The following DCC variants were observed in gnomAD, a reference collection of about 807,000 sequenced individuals.
The protein encoded by DCC is DCC netrin 1 receptor.
DCC carries 58 observed loss-of-function variants against 172.5 expected under a neutral mutation model. The ratio of observed to expected loss-of-function variants is 0.34; its 90% CI spans 0.27 to 0.42. The LOEUF is 0.42. DCC is among the 10% of genes least tolerant of loss of function. The pLI is 1.00. For missense variants in DCC, 1,740 were observed against 1,791.0 expected (o/e 0.97, Z 0.51); for synonymous variants, 709 against 644.5 (o/e 1.10, Z -1.52).
chr18:53,038,791 C>G (rs1361156409), intron 5 of DCC, among the ~76,000 whole-genome samples: 1 of 151,938 alleles, frequency 6.6e-6, no homozygotes, highest in Non-Finnish European at 1.5e-5. Flanking sequence ...TAACACTGTG[C>G]CTTTTAATAC....
At chr18:53,058,490 G>C (rs567422828) in intron 5 of DCC, among the ~76,000 whole-genome samples, 1 of 152,116 alleles carries the variant, frequency 6.6e-6, no homozygotes, top group East Asian at 1.9e-4. Context: ...TTTGTGTTGA[G>C]AATATAGGAC....
intron 1 of DCC, among the ~76,000 whole-genome samples, chr18:52,402,935 T>G (rs568824068): frequency 4.6e-5 from 7 of 152,116 alleles, no homozygotes; most frequent in African/African-American, 1.7e-4. Context: ...AACAGTACAG[T>G]CAGTGTTCAA....
chr18:53,004,551 G>C (rs2041616330), intron 5 of DCC, among the ~76,000 whole-genome samples: 1 of 152,128 alleles, frequency 6.6e-6, no homozygotes, highest in African/African-American at 2.4e-5. Flanking sequence ...AGAATATACA[G>C]AATCAGAGAC....
At chr18:53,413,026 T>C (rs555637915) in intron 20 of DCC, among the ~76,000 whole-genome samples, 18 of 152,292 alleles carry the variant, frequency 1.2e-4, no homozygotes, top group African/African-American at 4.3e-4. Flanking sequence ...CTGGGATACA[T>C]ACACACTGTC....
intron 1 of DCC, among the ~76,000 whole-genome samples, chr18:52,341,580 G>T (rs568945085): frequency 6.6e-6 from 1 of 152,144 alleles, no homozygotes; most frequent in Non-Finnish European, 1.5e-5. Flanking sequence ...ATATTCCAGA[G>T]AACCGGCGCC....
At chr18:52,783,551 G>A (rs538152357) in intron 2 of DCC, among the ~76,000 whole-genome samples, 2 of 151,510 alleles carry the variant, frequency 1.3e-5, no homozygotes. Flanking sequence ...AAAAGACATT[G>A]TAGTGTTTAA....
At chr18:53,310,277 A>G (rs941040505) in intron 13 of DCC, among the ~76,000 whole-genome samples, 17 of 152,178 alleles carry the variant, frequency 1.1e-4, no homozygotes, top group Admixed American at 2.0e-4. Flanking sequence ...TTGATTTTCC[A>G]TATAAATCTA....
At chr18:52,913,228 G>A (rs545187363) in intron 3 of DCC, among the ~76,000 whole-genome samples, 5 of 152,066 alleles carry the variant, frequency 3.3e-5, no homozygotes, top group Non-Finnish European at 7.4e-5. Context: ...AAGGTAACCA[G>A]TCTTTCACAT....
At chr18:52,939,590 C>A (rs539448926) in intron 5 of DCC, among the ~76,000 whole-genome samples, 1 of 152,206 alleles carries the variant, frequency 6.6e-6, no homozygotes, top group South Asian at 2.1e-4. Flanking sequence ...TTATTGGGCA[C>A]CCATTATGTG....
intron 1 of DCC, among the ~76,000 whole-genome samples, chr18:52,695,921 A>G (rs1387602610): frequency 1.3e-5 from 2 of 152,194 alleles, no homozygotes; most frequent in African/African-American, 2.4e-5. Context: ...TGGCAGAACA[A>G]CTGGTCCCAG....
intron 2 of DCC, among the ~76,000 whole-genome samples, chr18:52,810,131 T>C (rs749239165): frequency 1.3e-5 from 2 of 152,078 alleles, no homozygotes; most frequent in Non-Finnish European, 2.9e-5. Context: ...AAATTGGATA[T>C]AGTTTACAAA....
intron 1 of DCC, among the ~76,000 whole-genome samples, chr18:52,669,922 G>A (rs887559357): frequency 6.6e-6 from 1 of 151,856 alleles, no homozygotes; most frequent in Non-Finnish European, 1.5e-5. Flanking sequence ...GTGTTTTTTA[G>A]GTCTGGTGGT....
chr18:53,111,651 A>G lies in DCC; in HGVS notation c.1261+45485A>G, dbSNP rs986298932. 2.0e-5 allele frequency among the ~76,000 whole-genome samples: 3 copies of G among 151,730 alleles called. No homozygotes were observed. In the East Asian group the frequency reaches 5.9e-4, roughly 30 times the overall value. On this transcript the variant is annotated intron_variant, in intron 7 of 28. Transcript: ENST00000442544. ...AAAGAGGAAGAAAAAAAATTATCTCATCATGTTTAGATCCTCAGTCTTGAT... is the reference window on the plus strand; with the variant it reads ...AAAGAGGAAGAAAAAAAATTATCTCGTCATGTTTAGATCCTCAGTCTTGAT...
intron 1 of DCC, among the ~76,000 whole-genome samples, chr18:52,637,223 C>G (rs527478581): frequency 1.7e-4 from 26 of 152,262 alleles, no homozygotes; most frequent in Admixed American, 1.7e-3. Context: ...TCAAAAGGAA[C>G]CAGAAACCCA....
At chr18:53,300,404 T>C (rs1280173727) in intron 12 of DCC, among the ~76,000 whole-genome samples, 1 of 152,146 alleles carries the variant, frequency 6.6e-6, no homozygotes. Flanking sequence ...TGGTGCCATG[T>C]TTTTTGTATT....
chr18:53,007,347 C>A (rs545804814), intron 5 of DCC, among the ~76,000 whole-genome samples: 2 of 152,014 alleles, frequency 1.3e-5, no homozygotes. Flanking sequence ...GCAATCAAAC[C>A]ACAAATATAA....
intron 1 of DCC, among the ~76,000 whole-genome samples, chr18:52,665,043 G>T (rs2035438918): frequency 6.6e-6 from 1 of 152,200 alleles, no homozygotes; most frequent in African/African-American, 2.4e-5. Context: ...CATGACTGCA[G>T]AATATTAGAA....
intron 7 of DCC, among the ~76,000 whole-genome samples, chr18:53,122,018 T>A (rs1017078880): frequency 3.9e-5 from 6 of 152,040 alleles, no homozygotes; most frequent in South Asian, 2.1e-4. Flanking sequence ...TCTAAGTGCC[T>A]AACAGCAACG....
At chr18:52,360,625 A>G (rs759650710) in intron 1 of DCC, among the ~76,000 whole-genome samples, 1 of 152,206 alleles carries the variant, frequency 6.6e-6, no homozygotes, top group Non-Finnish European at 1.5e-5. Flanking sequence ...AGCAGCATAT[A>G]ATCAATTAAT....
Sources: gnomAD v4.1 joint callset for allele counts (sites outside exome capture counted in the v4.1 genomes callset) on GRCh38, gnomAD v4.1.1 for gene constraint, MANE v1.5 for transcripts, NCBI Gene and HGNC (gene_info 2026-07-23, HGNC 2026-07-21) for gene names.